Variants in AGAP1 observed in about 807,000 individuals in gnomAD.
AGAP1 encodes arf-GAP with GTPase, ANK repeat and PH domain-containing protein 1.
AGAP1 carries 29 observed loss-of-function variants against 105.3 expected under a neutral mutation model. That is an observed-to-expected ratio of 0.28 (90% confidence interval 0.21 to 0.38). The LOEUF (loss-of-function observed/expected upper bound fraction) is 0.38. Ranked by LOEUF, AGAP1 falls within the 10% of genes least tolerant of loss-of-function variation. AGAP1 has a pLI of 1.00. For synonymous variants in AGAP1, 509 were observed against 485.9 expected, an observed-to-expected ratio of 1.05 and a Z score of -0.63; for missense variants, 998 against 1,165.1, an observed-to-expected ratio of 0.86 and a Z score of 2.09.
At chr2:236,066,373 C>T (rs1032279927) in intron 16 of AGAP1, among the ~76,000 whole-genome samples, 4 of 152,128 alleles carry the variant, frequency 2.6e-5, no homozygotes, top group African/African-American at 4.8e-5. Flanking sequence ...CTACAGACAC[C>T]TGCCACCACG....
intron 6 of AGAP1, among the ~76,000 whole-genome samples, chr2:235,796,790 C>T (rs1467700234): frequency 6.6e-6 from 1 of 152,168 alleles, no homozygotes; most frequent in Non-Finnish European, 1.5e-5. Flanking sequence ...TAGGCAAAGT[C>T]AAGGATTGAA....
intron 9 of AGAP1, among the ~76,000 whole-genome samples, chr2:235,826,503 G>A (rs1371401683): frequency 6.6e-5 from 10 of 151,968 alleles, no homozygotes; most frequent in Admixed American, 4.6e-4. Flanking sequence ...AGGCTGGAGT[G>A]CAGTGGCACG....
intron 1 of AGAP1, among the ~76,000 whole-genome samples, chr2:235,627,607 G>A (rs1253913115): frequency 6.6e-6 from 1 of 152,094 alleles, no homozygotes; most frequent in Non-Finnish European, 1.5e-5. Flanking sequence ...TGCCCGTGGG[G>A]CTTATTTTGT....
At position 236,073,916 on chromosome 2, in the gene AGAP1, T is replaced by TCCGG. The variant is rs2058569918; in HGVS notation, c.2114+24638_2114+24639insGCCG. ...GGGCATGCCCCTCCCCCCAAGCATT[T>TCCGG]CCGCTGCACATCCCAGCTCAAGAAC... is the stretch of plus-strand genomic sequence containing the variant. On this transcript the variant is annotated intron_variant, in intron 16 of 17. Transcript: ENST00000304032. The surrounding 1 kb of genome is among the most constrained non-coding windows in gnomAD (Gnocchi z 5.4). 7.0e-6 allele frequency among the ~76,000 whole-genome samples: 1 copy of TCCGG among 142,624 alleles called. No individual in the cohort carries two copies. Among genetic ancestry groups the TCCGG allele is most frequent in the South Asian group, 2.3e-4 (1 of 4,272 alleles). 93.6% of individuals were successfully genotyped at this position (142,624 alleles called of 152,430 possible).
At chr2:235,580,273 T>C (rs2149186920) in intron 1 of AGAP1, among the ~76,000 whole-genome samples, 1 of 152,128 alleles carries the variant, frequency 6.6e-6, no homozygotes, top group South Asian at 2.1e-4. Flanking sequence ...AGGAGCTGAG[T>C]GGTTGCTTGG....
At chr2:236,115,493 G>C (rs1193497111) in intron 16 of AGAP1, among the ~76,000 whole-genome samples, 1 of 152,202 alleles carries the variant, frequency 6.6e-6, no homozygotes, top group Non-Finnish European at 1.5e-5. Flanking sequence ...CCTGCCTTTG[G>C]GCATTGCAGA....
At position 236,130,279 on chromosome 2, in the gene AGAP1, C is replaced by G. The variant is rs1050467286; in HGVS notation, c.*6157C>G. Reference sequence around the variant, plus strand: ...TGGCACAGGGTACCTGTAGGGAGCACTCCCCCAACCTGAGGATGGTGAAAC... The same window carrying G: ...TGGCACAGGGTACCTGTAGGGAGCAGTCCCCCAACCTGAGGATGGTGAAAC... On this transcript the variant is annotated 3_prime_UTR_variant, in exon 18 of 18. Transcript: ENST00000304032. This position sits in a 1 kb window ranked among gnomAD's most constrained non-coding sequence, Gnocchi z 5.8. The G allele has an allele frequency of 1.3e-5, 2 of 152,000 alleles. No homozygotes were observed. Among genetic ancestry groups the G allele is most frequent in the Admixed American group, 1.3e-4 (2 of 15,208 alleles). 9.4% of individuals were successfully genotyped at this position (152,000 alleles called of 1,614,324 possible).
intron 9 of AGAP1, among the ~76,000 whole-genome samples, chr2:235,849,362 T>C (rs761817352): frequency 1.3e-5 from 2 of 152,194 alleles, no homozygotes; most frequent in Non-Finnish European, 2.9e-5. Context: ...AATTAACTGG[T>C]TTTTTTGTGA....
In AGAP1 at chr2:235,992,899, G is replaced by A. The variant is rs1214737241; in HGVS notation, c.1645+24276G>A. On this transcript the variant is annotated intron_variant, in intron 13 of 17. Coordinates refer to ENST00000304032, the MANE Select transcript of AGAP1 (RefSeq NM_001037131.3). This position sits in a 1 kb window ranked among gnomAD's most constrained non-coding sequence, Gnocchi z 4.8. ...CCTCTTTCCGTCGTGAACCATGGACGTCTCTCCTTGACCTCCTCCCTACCT... is the reference window on the plus strand; with the variant it reads ...CCTCTTTCCGTCGTGAACCATGGACATCTCTCCTTGACCTCCTCCCTACCT... Among the ~76,000 whole-genome samples, 3 of 152,096 alleles carry A rather than the reference G, an allele frequency of 2.0e-5. No individual in the cohort carries two copies. Among genetic ancestry groups the A allele is most frequent in the Admixed American group, 6.5e-5 (1 of 15,278 alleles).
At chr2:235,897,044 C>G (rs2050838587) in intron 10 of AGAP1, among the ~76,000 whole-genome samples, 1 of 152,070 alleles carries the variant, frequency 6.6e-6, no homozygotes, top group East Asian at 1.9e-4. Flanking sequence ...AAAATAAAGT[C>G]CTCTTATTTC....
rs1375461762 is a variant in AGAP1 at position 235,951,299 on chromosome 2, G to A, written c.1484-17163G>A. 1.3e-5 allele frequency among the ~76,000 whole-genome samples: 2 copies of A among 152,152 alleles called. No homozygotes were observed. Among genetic ancestry groups the A allele is most frequent in the African/African-American group, 4.8e-5 (2 of 41,430 alleles). On this transcript the variant is annotated intron_variant, in intron 12 of 17. Transcript: ENST00000304032. The surrounding 1 kb of genome is among the most constrained non-coding windows in gnomAD (Gnocchi z 4.2). ...GTTATCCCAAGTAGAATACTCGATCGATGTCCACAGCACATTCAAATTATC... is the reference window on the plus strand; with the variant it reads ...GTTATCCCAAGTAGAATACTCGATCAATGTCCACAGCACATTCAAATTATC...
At chr2:235,626,225 G>A (rs1946632134) in intron 1 of AGAP1, among the ~76,000 whole-genome samples, 1 of 151,152 alleles carries the variant, frequency 6.6e-6, no homozygotes, top group Non-Finnish European at 1.5e-5. Context: ...GGTTATGGTG[G>A]TGCATACCTG....
At chr2:235,760,117 A>G (rs1184766016) in intron 6 of AGAP1, among the ~76,000 whole-genome samples, 1 of 152,218 alleles carries the variant, frequency 6.6e-6, no homozygotes, top group African/African-American at 2.4e-5. Context: ...GCAGAGGTTC[A>G]CAGCTGTAAT....
chr2:236,076,704 A>G lies in AGAP1; in HGVS notation c.2114+27423A>G, dbSNP rs370090762. ...GCACTTAATAATTTCCCAAACCACT[A>G]AAGAGGGAAGCCCCAGCGCTATGAG... On this transcript the variant is annotated intron_variant, in intron 16 of 17. Coordinates refer to ENST00000304032, the MANE Select transcript of AGAP1 (RefSeq NM_001037131.3). This position sits in a 1 kb window ranked among gnomAD's most constrained non-coding sequence, Gnocchi z 4.4. Among the ~76,000 whole-genome samples the G allele has an allele frequency of 1.6e-4, 25 of 152,290 alleles. No homozygotes were observed. In the South Asian group the frequency reaches 4.6e-3, roughly 28 times the overall value.
intron 1 of AGAP1, among the ~76,000 whole-genome samples, chr2:235,640,537 T>TG (rs1390361276): frequency 2.0e-5 from 3 of 152,244 alleles, no homozygotes; most frequent in Admixed American, 2.0e-4. Context: ...AGCTAGGAGT[T>TG]GCATTTCCTG....
rs892906518 is a variant in AGAP1, at chr2:236,055,582, G to C, written c.2114+6301G>C. ...CAGTGGGCCTGCCCTGGCCCCAGCC[G>C]CAGAGCGGGTCCACCCTCCCAGTTT... On this transcript the variant is annotated intron_variant, in intron 16 of 17. Transcript: ENST00000304032. This position sits in a 1 kb window ranked among gnomAD's most constrained non-coding sequence, Gnocchi z 6.2. Among the ~76,000 whole-genome samples the C allele has an allele frequency of 6.6e-6, 1 of 152,248 alleles. No individual in the cohort carries two copies. The highest frequency in any genetic ancestry group is 2.4e-5 in the African/African-American group (1 of 41,470).
At chr2:236,031,071 A>G (rs115043195) in intron 13 of AGAP1, among the ~76,000 whole-genome samples, 23 of 152,340 alleles carry the variant, frequency 1.5e-4, no homozygotes, top group African/African-American at 5.3e-4. Flanking sequence ...GTTAAATTTG[A>G]TATGAGGACA....
Position 236,120,528 on chromosome 2 carries a change from T to C in AGAP1, c.2370+81T>C. 6.3e-7 allele frequency: 1 copy of C among 1,578,510 alleles called. No individual in the cohort carries two copies. The highest frequency in any genetic ancestry group is 1.2e-5 in the South Asian group (1 of 85,292). On this transcript the variant is annotated intron_variant, in intron 17 of 17. Transcript: ENST00000304032. The surrounding 1 kb of genome is among the most constrained non-coding windows in gnomAD (Gnocchi z 6.0). ...TGTTCTGCTTCCGTGGGCATCTTTCTGGCAGAAGGCTGTTGTTCTCGATCT... is the reference window on the plus strand; with the variant it reads ...TGTTCTGCTTCCGTGGGCATCTTTCCGGCAGAAGGCTGTTGTTCTCGATCT...
At chr2:235,499,989 G>A (rs1941494331) in intron 1 of AGAP1, among the ~76,000 whole-genome samples, 1 of 152,260 alleles carries the variant, frequency 6.6e-6, no homozygotes, top group Admixed American at 6.5e-5. Flanking sequence ...AATTTGAAAC[G>A]TCCCCAGAGC....
Sources: gnomAD v4.1 joint callset for allele counts (sites outside exome capture counted in the v4.1 genomes callset) on GRCh38, gnomAD v4.1.1 for gene constraint, Gnocchi (gnomAD v3.1) non-coding constraint, MANE v1.5 for transcripts, NCBI Gene and HGNC (gene_info 2026-07-23, HGNC 2026-07-21) for gene names.